Variants in PTPN6 observed in about 807,000 individuals in gnomAD.
PTPN6 encodes the protein protein tyrosine phosphatase non-receptor type 6.
Under a neutral mutation model 81.5 loss-of-function variants are expected in PTPN6, and 18 were observed. The observed-to-expected ratio is 0.22, with a 90% CI of 0.15 to 0.33. The LOEUF (loss-of-function observed/expected upper bound fraction) is 0.33, where lower values mean the gene tolerates loss of function less well. Ranked by LOEUF, PTPN6 falls within the 10% of genes least tolerant of loss-of-function variation. The probability of loss-of-function intolerance (pLI) is 1.00; values close to 1 mark genes in which losing one functional copy is unlikely to be tolerated. For missense variants in PTPN6, 500 were observed against 794.2 expected (o/e 0.63, Z 4.45); for synonymous variants, 301 against 310.9 (o/e 0.97, Z 0.33).
Position 6,957,859 on chromosome 12 carries a change from GTGAGATGGA to G in PTPN6, c.1207-55_1207-47del. On this transcript the variant is annotated intron_variant, in intron 10 of 15. Coordinates refer to ENST00000318974, the MANE Select transcript of PTPN6 (RefSeq NM_002831.6). The surrounding 1 kb of genome is among the most constrained non-coding windows in gnomAD (Gnocchi z 6.5). The stretch of plus-strand genomic sequence containing the variant: ...TTGTTCTCCTCTCTGGTCGGGTAGG[GTGAGATGGA>G]TGAGGTGTTCCGAGAGAGGAGGGGG... 6.2e-7 allele frequency: 1 copy of G among 1,614,032 alleles called. No individual in the cohort carries two copies. Among genetic ancestry groups the G allele is most frequent in the Non-Finnish European group, 8.5e-7 (1 of 1,179,988 alleles).
chr12:6,957,859 G>A lies in PTPN6; in HGVS notation c.1207-60G>A. 6.2e-7 allele frequency: 1 copy of A among 1,614,032 alleles called. No individual in the cohort carries two copies. The highest frequency in any genetic ancestry group is 8.5e-7 in the Non-Finnish European group (1 of 1,179,988). The stretch of plus-strand genomic sequence containing the variant: ...TTGTTCTCCTCTCTGGTCGGGTAGG[G>A]TGAGATGGATGAGGTGTTCCGAGAG... On this transcript the variant is annotated intron_variant, in intron 10 of 15. Transcript: ENST00000318974. This position sits in a 1 kb window ranked among gnomAD's most constrained non-coding sequence, Gnocchi z 6.5.
At chr12:6,949,216 C>A (rs1945885982), upstream of PTPN6, among the ~76,000 whole-genome samples, 1 of 152,194 alleles carries the variant, frequency 6.6e-6, no homozygotes, top group Non-Finnish European at 1.5e-5. Context: ...TCAGCCTGGC[C>A]TTGAATGACC....
rs782086788 is a variant in PTPN6, at chr12:6,960,456, C to T, written c.1673+21C>T. ...TCCAAGTGAGTGGCCCTGACTGCCA[C>T]TGCCCGGCATCCACCCCTTTGTCCT... On this transcript the variant is annotated intron_variant, in intron 14 of 15. Coordinates refer to ENST00000318974, the MANE Select transcript of PTPN6 (RefSeq NM_002831.6). The surrounding 1 kb of genome is among the most constrained non-coding windows in gnomAD (Gnocchi z 6.1). The T allele has an allele frequency of 1.9e-6, 3 of 1,607,944 alleles. No homozygotes were observed. The highest frequency in any genetic ancestry group is 3.3e-5 in the Admixed American group (2 of 59,968).
chr12:6,960,259 T>TGGGGG lies in PTPN6; in HGVS notation c.1581+30_1581+34dup. On this transcript the variant is annotated intron_variant, in intron 13 of 15. Coordinates refer to ENST00000318974, the MANE Select transcript of PTPN6 (RefSeq NM_002831.6). The surrounding 1 kb of genome is among the most constrained non-coding windows in gnomAD (Gnocchi z 6.1). ...CTGCAGGTGCGTGCAGAGCAGGGCCTGGGGGGGGGGGGGGCTGCAGTGCAG... is the reference window on the plus strand; with the variant it reads ...CTGCAGGTGCGTGCAGAGCAGGGCCTGGGGGGGGGGGGGGGGGGGCTGCAGTGCAG... 1 of 1,146,962 alleles carries TGGGGG rather than the reference T, an allele frequency of 8.7e-7. No homozygotes were observed. Among genetic ancestry groups the TGGGGG allele is most frequent in the African/African-American group, 2.2e-5 (1 of 45,842 alleles). The allele number at this position is 1,146,962 out of a possible 1,614,324, so 71.0% of individuals were successfully genotyped here. A position where few individuals can be genotyped will look rare whatever the true frequency, so the allele number is the denominator to read the frequency against.
rs777527888 is a variant in PTPN6, at chr12:6,960,580, C to T, written c.1673+145C>T. 7 of 1,440,626 alleles carry T rather than the reference C, an allele frequency of 4.9e-6. No homozygotes were observed. Among genetic ancestry groups the T allele is most frequent in the Non-Finnish European group, 6.7e-6 (7 of 1,047,592 alleles). The allele number at this position is 1,440,626 out of a possible 1,614,324, so 89.2% of individuals were successfully genotyped here. On this transcript the variant is annotated intron_variant, in intron 14 of 15. Transcript: ENST00000318974. The surrounding 1 kb of genome is among the most constrained non-coding windows in gnomAD (Gnocchi z 6.1). ...GGTTCTCACCCCTTCTGTTCATAAG[C>T]ATTTCCTGAGTGCCCACACGTGTGG... is the stretch of plus-strand genomic sequence containing the variant.
chr12:6,951,341 C>T (rs781866153), upstream of PTPN6: 63 of 1,520,606 alleles, frequency 4.1e-5, no homozygotes, highest in East Asian at 1.2e-4. This position sits in a 1 kb window ranked among gnomAD's most constrained non-coding sequence, Gnocchi z 7.2. Context: ...CCCGCCCTGC[C>T]GGCTGCCCCA....
rs1318475893 is a variant in PTPN6 at position 6,956,837 on chromosome 12, C to T, written c.1074+269C>T. Among the ~76,000 whole-genome samples the T allele has an allele frequency of 1.3e-5, 2 of 152,170 alleles. No homozygotes were observed. Among genetic ancestry groups the T allele is most frequent in the African/African-American group, 4.8e-5 (2 of 41,432 alleles). On this transcript the variant is annotated intron_variant, in intron 9 of 15. Coordinates refer to ENST00000318974, the MANE Select transcript of PTPN6 (RefSeq NM_002831.6). The surrounding 1 kb of genome is among the most constrained non-coding windows in gnomAD (Gnocchi z 4.1). ...GCCCCACCTGTCTGCATCCAGGCCCCTCCTGTCCTCCCTGCCCCATAGATC... is the reference window on the plus strand; with the variant it reads ...GCCCCACCTGTCTGCATCCAGGCCCTTCCTGTCCTCCCTGCCCCATAGATC...
Position 6,957,269 on chromosome 12 carries a change from T to C in PTPN6, c.1075-385T>C, listed in dbSNP as rs1468152535. Reference sequence around the variant, plus strand: ...TTTCCTCCAGGACCTAGAGGGAGAATTACGTCTTTCCCAGCCACGCTCCTC... The same window carrying C: ...TTTCCTCCAGGACCTAGAGGGAGAACTACGTCTTTCCCAGCCACGCTCCTC... On this transcript the variant is annotated intron_variant, in intron 9 of 15. Transcript: ENST00000318974. This position sits in a 1 kb window ranked among gnomAD's most constrained non-coding sequence, Gnocchi z 6.5. Among the ~76,000 whole-genome samples the C allele has an allele frequency of 6.6e-6, 1 of 152,208 alleles. No individual in the cohort carries two copies. The highest frequency in any genetic ancestry group is 1.5e-5 in the Non-Finnish European group (1 of 68,036).
upstream of PTPN6, among the ~76,000 whole-genome samples, chr12:6,948,950 AAAAAAAAAAAAG>A: frequency 6.6e-6 from 1 of 151,716 alleles, no homozygotes; most frequent in Non-Finnish European, 1.5e-5. Flanking sequence ...CATCTCAAAA[AAAAAAAAAAAAG>A]AAAAGAAAAA....
rs781791300 is a variant in PTPN6 at position 6,955,228 on chromosome 12, G to T, written c.594G>T (p.Gly198=). 6.2e-7 allele frequency: 1 copy of T among 1,614,228 alleles called. No homozygotes were observed. The highest frequency in any genetic ancestry group is 8.5e-7 in the Non-Finnish European group (1 of 1,180,032). The change falls in exon 5 of 16, where the codon GGG becomes GGT. Residue 198 remains glycine, a synonymous_variant. Transcript: ENST00000318974. The surrounding 1 kb of genome is among the most constrained non-coding windows in gnomAD (Gnocchi z 7.2). ...TDLVEHFKKT[G]IEEASGAFVY... ...TGGTGGAGCATTTCAAGAAGACGGG[G>T]ATTGAGGAGGCCTCAGGCGCCTTTG... is the stretch of plus-strand genomic sequence containing the variant.
At chr12:6,948,351 A>G (rs1555147149), upstream of PTPN6, among the ~76,000 whole-genome samples, 1 of 150,702 alleles carries the variant, frequency 6.6e-6, no homozygotes, top group Non-Finnish European at 1.5e-5. Context: ...CAGGAGGATC[A>G]CCTGAGCCAA....
chr12:6,953,041 C>A (rs1470985273), intron 3 of PTPN6: 8 of 152,196 alleles, frequency 5.3e-5, no homozygotes, highest in East Asian at 3.9e-4. Flanking sequence ...TGATCGGGAA[C>A]CTTGCTCCTG....
At position 6,955,596 on chromosome 12, in the gene PTPN6, C is replaced by T. The variant is rs781886724; in HGVS notation, c.748-64C>T. 39 of 1,578,708 alleles carry T rather than the reference C, an allele frequency of 2.5e-5. No individual in the cohort carries two copies. Among genetic ancestry groups the T allele is most frequent in the Non-Finnish European group, 3.2e-5 (37 of 1,148,378 alleles). On this transcript the variant is annotated intron_variant, in intron 6 of 15. Transcript: ENST00000318974. This position sits in a 1 kb window ranked among gnomAD's most constrained non-coding sequence, Gnocchi z 7.2. ...CCACCTCTGCTCCTGACCCACCCCA[C>T]GTGAGCTCCCCCGATGGATGCCCTC...
Position 6,959,711 on chromosome 12 carries a change from G to T in PTPN6, c.1362-216G>T. 1.6e-6 allele frequency: 1 copy of T among 611,666 alleles called. No individual in the cohort carries two copies. Among genetic ancestry groups the T allele is most frequent in the East Asian group, 2.8e-5 (1 of 36,244 alleles). The allele number at this position is 611,666 out of a possible 1,614,324, so 37.9% of individuals were successfully genotyped here. A position where few individuals can be genotyped will look rare whatever the true frequency, so the allele number is the denominator to read the frequency against. ...AGGGAAGGATGGTGGCAGCTGGGGA[G>T]CCAGCGTCAGCACCGCAGAGCCCGA... On this transcript the variant is annotated intron_variant, in intron 11 of 15. Transcript: ENST00000318974. The surrounding 1 kb of genome is among the most constrained non-coding windows in gnomAD (Gnocchi z 6.6).
rs1555149543 is a variant in PTPN6, at chr12:6,960,264, G to GGGC, written c.1581+27_1581+28insCGG. 1 of 1,543,070 alleles carries GGGC rather than the reference G, an allele frequency of 6.5e-7. No homozygotes were observed. Among genetic ancestry groups the GGGC allele is most frequent in the African/African-American group, 1.4e-5 (1 of 70,154 alleles). ...GGTGCGTGCAGAGCAGGGCCTGGGG[G>GGGC]GGGGGGGGGCTGCAGTGCAGGATGG... On this transcript the variant is annotated intron_variant, in intron 13 of 15. Transcript: ENST00000318974. This position sits in a 1 kb window ranked among gnomAD's most constrained non-coding sequence, Gnocchi z 6.1.
chr12:6,956,651 G>C lies in PTPN6; in HGVS notation c.1074+83G>C. 2 of 1,573,086 alleles carry C rather than the reference G, an allele frequency of 1.3e-6. No individual in the cohort carries two copies. Among genetic ancestry groups the C allele is most frequent in the Admixed American group, 3.4e-5 (2 of 59,274 alleles). ...CGAAGAGCAGTCAGATGCCAGGGCA[G>C]AAAGGGATCTCAGGGGTGAGGGTCC... On this transcript the variant is annotated intron_variant, in intron 9 of 15. Transcript: ENST00000318974. The surrounding 1 kb of genome is among the most constrained non-coding windows in gnomAD (Gnocchi z 4.1).
rs1946121980 is a variant in PTPN6 at position 6,960,660 on chromosome 12, T to C, written c.1674-146T>C. On this transcript the variant is annotated intron_variant, in intron 14 of 15. Coordinates refer to ENST00000318974, the MANE Select transcript of PTPN6 (RefSeq NM_002831.6). This position sits in a 1 kb window ranked among gnomAD's most constrained non-coding sequence, Gnocchi z 6.1. ...TGTATGAGATGTAGCCTCTGTCCTC[T>C]AGGAGCTTGGAGTCTAGTGCAGGGA... 2 of 1,550,050 alleles carry C rather than the reference T, an allele frequency of 1.3e-6. No individual in the cohort carries two copies. Among genetic ancestry groups the C allele is most frequent in the Non-Finnish European group, 8.7e-7 (1 of 1,145,810 alleles).
intron 3 of PTPN6, chr12:6,953,315 A>T (rs1673890774): frequency 6.6e-6 from 1 of 151,974 alleles, no homozygotes; most frequent in Non-Finnish European, 1.5e-5. Flanking sequence ...TCTAAAGCTC[A>T]TGTCCTCTCT....
In PTPN6 at chr12:6,954,884, C is replaced by T. The variant is rs782710028; in HGVS notation, c.406C>T (p.Arg136Cys). ...GGGCGAGCCCTGGACGTTTCTTGTGCGTGAGAGCCTCAGCCAGCCTGGAGA... is the reference window on the plus strand; with the variant it reads ...GGGCGAGCCCTGGACGTTTCTTGTGTGTGAGAGCCTCAGCCAGCCTGGAGA... ...AKGEPWTFLV[R>C]ESLSQPGDFV... The change falls in exon 4 of 16, where the codon CGT becomes TGT. Residue 136 changes from arginine to cysteine, a missense_variant. Arg to Cys is a radical substitution (Grantham distance 180). Around this residue, in one of 6 missense-constraint regions of PTPN6, gnomAD observed 98 missense variants for 199.2 expected, o/e 0.49. Coordinates refer to ENST00000318974, the MANE Select transcript of PTPN6 (RefSeq NM_002831.6). This position sits in a 1 kb window ranked among gnomAD's most constrained non-coding sequence, Gnocchi z 5.4. 8 of 1,614,212 alleles carry T rather than the reference C, an allele frequency of 5.0e-6. No homozygotes were observed. The highest frequency in any genetic ancestry group is 5.9e-6 in the Non-Finnish European group (7 of 1,180,030).
Sources: allele counts gnomAD v4.1 joint callset (sites outside exome capture counted in the v4.1 genomes callset), GRCh38; gene constraint gnomAD v4.1.1; regional missense constraint gnomAD v4.1.1; non-coding constraint Gnocchi (gnomAD v3.1); transcripts MANE v1.5; gene names NCBI Gene and HGNC (gene_info 2026-07-23, HGNC 2026-07-21).